Variants in AGBL4 observed in about 807,000 individuals in gnomAD.
The protein encoded by AGBL4 is AGBL carboxypeptidase 4.
AGBL4 carries 58 observed loss-of-function variants against 66.4 expected under a neutral mutation model. That is an observed-to-expected ratio of 0.87 (90% CI 0.71 to 1.09). The LOEUF is 1.09. Ranked by LOEUF, AGBL4 falls within the 50% of genes least tolerant of loss-of-function variation. The pLI, the probability that AGBL4 is intolerant of heterozygous loss-of-function variation, is 0.00. For synonymous variants in AGBL4, 234 were observed against 222.9 expected (o/e 1.05, Z -0.44); for missense variants, 579 against 631.0 (o/e 0.92, Z 0.88).
chr1:48,859,102 C>T (rs1291274417), intron 6 of AGBL4, among the ~76,000 whole-genome samples: 1 of 151,914 alleles, frequency 6.6e-6, no homozygotes, highest in African/African-American at 2.4e-5. Flanking sequence ...AGGGGAGAGT[C>T]GTGGCTCCTC....
intron 6 of AGBL4, among the ~76,000 whole-genome samples, chr1:48,720,977 TC>T (rs1647137829): frequency 6.8e-6 from 1 of 147,710 alleles, no homozygotes; most frequent in African/African-American, 2.5e-5. Flanking sequence ...TTTTTTTTTC[TC>T]CCAAGGTTAA....
chr1:49,396,366 ATG>A (rs143459610), intron 3 of AGBL4, among the ~76,000 whole-genome samples: 47 of 151,290 alleles, frequency 3.1e-4, no homozygotes, highest in East Asian at 1.9e-4. Context: ...GTGTGTATGA[ATG>A]TGTGTGTGTG....
At chr1:48,709,125 T>C (rs958867377) in intron 6 of AGBL4, among the ~76,000 whole-genome samples, 4 of 152,212 alleles carry the variant, frequency 2.6e-5, no homozygotes, top group African/African-American at 9.6e-5. Context: ...CCCTCCACAG[T>C]GATAGCTACT....
intron 3 of AGBL4, among the ~76,000 whole-genome samples, chr1:49,651,695 C>T (rs948630204): frequency 5.9e-5 from 9 of 151,358 alleles, no homozygotes; most frequent in African/African-American, 2.2e-4. Flanking sequence ...TCTCAAGGTA[C>T]AAATTAAAAA....
intron 3 of AGBL4, among the ~76,000 whole-genome samples, chr1:49,571,229 C>G (rs925142278): frequency 6.6e-6 from 1 of 151,720 alleles, no homozygotes; most frequent in African/African-American, 2.4e-5. Context: ...CCAGAAGATG[C>G]CTTTTTCATT....
intron 9 of AGBL4, among the ~76,000 whole-genome samples, chr1:48,614,755 AG>A (rs1645292105): frequency 6.6e-6 from 1 of 152,178 alleles, no homozygotes; most frequent in African/African-American, 2.4e-5. Flanking sequence ...TCTAAAACAA[AG>A]AAATATGTGA....
chr1:49,390,019 T>G (rs1039807237), intron 3 of AGBL4, among the ~76,000 whole-genome samples: 4 of 152,168 alleles, frequency 2.6e-5, no homozygotes, highest in Admixed American at 6.5e-5. Flanking sequence ...TGGACTCTGT[T>G]TCTATGGACC....
chr1:48,676,316 C>T (rs1365096131), intron 6 of AGBL4, among the ~76,000 whole-genome samples: 1 of 152,224 alleles, frequency 6.6e-6, no homozygotes, highest in East Asian at 1.9e-4. Context: ...GCAGGTGCTG[C>T]AAGTGTGACC....
At chr1:49,454,460 A>G (rs1646345861) in intron 3 of AGBL4, among the ~76,000 whole-genome samples, 1 of 151,688 alleles carries the variant, frequency 6.6e-6, no homozygotes, top group African/African-American at 2.4e-5. Flanking sequence ...AGGAGATTCT[A>G]TGTGGTGCTA....
rs555970063 is a variant in AGBL4 at position 48,905,138 on chromosome 1, G to A, written c.595-37908C>T. On this transcript the variant is annotated intron_variant, in intron 5 of 13. Transcript: ENST00000371839. Reference sequence around the variant, plus strand: ...TCTTTAGGAGGTGGAATCATAAATTGTGGGTTACTCATTGGATGCAAAGCC... The same window carrying A: ...TCTTTAGGAGGTGGAATCATAAATTATGGGTTACTCATTGGATGCAAAGCC... Among the ~76,000 whole-genome samples the A allele has an allele frequency of 1.1e-3, 168 of 152,292 alleles. 2 individuals carry two copies. The South Asian group carries it at 0.015, about 14-fold the overall frequency.
chr1:49,310,415 T>C (rs1385019093), intron 3 of AGBL4, among the ~76,000 whole-genome samples: 2 of 152,108 alleles, frequency 1.3e-5, no homozygotes, highest in Non-Finnish European at 2.9e-5. Context: ...GATGGTGGTT[T>C]GGACTAGGGA....
At chr1:48,754,508 C>T (rs1280404166) in intron 6 of AGBL4, among the ~76,000 whole-genome samples, 2 of 152,072 alleles carry the variant, frequency 1.3e-5, no homozygotes, top group African/African-American at 2.4e-5. Context: ...GTACCTTGTA[C>T]ATTGGAATGT....
chr1:48,850,802 C>T (rs1475763737), intron 6 of AGBL4, among the ~76,000 whole-genome samples: 1 of 152,188 alleles, frequency 6.6e-6, no homozygotes, highest in Non-Finnish European at 1.5e-5. Context: ...CTTCTAATAT[C>T]TCAGCAACCT....
At chr1:48,737,104 A>C (rs1363206373) in intron 6 of AGBL4, among the ~76,000 whole-genome samples, 6 of 152,046 alleles carry the variant, frequency 3.9e-5, no homozygotes, top group South Asian at 2.1e-4. Flanking sequence ...TAACATGGTA[A>C]AACTCCATCT....
intron 1 of AGBL4, among the ~76,000 whole-genome samples, chr1:49,930,868 C>T (rs1653271837): frequency 6.6e-6 from 1 of 152,106 alleles, no homozygotes; most frequent in South Asian, 2.1e-4. Flanking sequence ...TCTACATCAA[C>T]CATTTGTATT....
At chr1:49,888,969 T>C (rs567592368) in intron 1 of AGBL4, among the ~76,000 whole-genome samples, 2 of 152,334 alleles carry the variant, frequency 1.3e-5, no homozygotes, top group East Asian at 3.9e-4. Context: ...GCTCTAAATA[T>C]GCTTATTTTA....
intron 2 of AGBL4, among the ~76,000 whole-genome samples, chr1:49,748,304 T>C (rs1348680981): frequency 6.6e-6 from 1 of 152,130 alleles, no homozygotes; most frequent in Admixed American, 6.6e-5. Flanking sequence ...GAATAATGGT[T>C]TCCAGCTTCA....
At chr1:49,971,906 G>GGTTTTTTTTTTTTTTTTTTT (rs1658127182) in intron 1 of AGBL4, among the ~76,000 whole-genome samples, 1 of 43,442 alleles carries the variant, frequency 2.3e-5, no homozygotes, top group Admixed American at 4.8e-4. Flanking sequence ...GGTTTTTTTG[G>GGTTTTTTTTTTTTTTTTTTT]GTTTTTTTTT....
chr1:49,083,621 T>G (rs1644846663), intron 4 of AGBL4, among the ~76,000 whole-genome samples: 2 of 152,184 alleles, frequency 1.3e-5, no homozygotes, highest in Non-Finnish European at 1.5e-5. Context: ...TTCCCAGGCT[T>G]GTGATAGGAG....
Sources: gnomAD v4.1 joint callset for allele counts (sites outside exome capture counted in the v4.1 genomes callset) on GRCh38, gnomAD v4.1.1 for gene constraint, MANE v1.5 for transcripts, NCBI Gene and HGNC (gene_info 2026-07-23, HGNC 2026-07-21) for gene names.